The following BTRC variants were observed in gnomAD, a reference collection of about 807,000 sequenced individuals.
The protein encoded by BTRC is beta-transducin repeat containing E3 ubiquitin protein ligase, also known as F-box/WD repeat-containing protein 1A.
BTRC carries 42 observed loss-of-function variants against 85.5 expected under a neutral mutation model. The observed-to-expected ratio is 0.49, with a 90% confidence interval of 0.38 to 0.64. The LOEUF is 0.64. Ranked by LOEUF, BTRC falls within the 30% of genes least tolerant of loss-of-function variation. The probability of loss-of-function intolerance (pLI) is 0.00; values close to 1 mark genes in which losing one functional copy is unlikely to be tolerated. For missense variants in BTRC, 594 were observed against 743.5 expected (o/e 0.80, Z 2.34); for synonymous variants, 255 against 263.3 (o/e 0.97, Z 0.30).
chr10:101,386,405 CTTCTT>C (rs886395108), intron 1 of BTRC, among the ~76,000 whole-genome samples: 5 of 152,122 alleles, frequency 3.3e-5, no homozygotes, highest in Admixed American at 2.6e-4. Context: ...AAACATTTAT[CTTCTT>C]TTCTTTTTCT....
chr10:101,485,681 T>A (rs1011809497), intron 4 of BTRC, among the ~76,000 whole-genome samples: 1 of 152,210 alleles, frequency 6.6e-6, no homozygotes. Context: ...GTTCAGCTGT[T>A]GGGAACCACT....
At chr10:101,504,506 C>G (rs1321460701) in intron 4 of BTRC, among the ~76,000 whole-genome samples, 1 of 151,852 alleles carries the variant, frequency 6.6e-6, no homozygotes, top group African/African-American at 2.4e-5. Flanking sequence ...CCTGCTTATC[C>G]CTCTTCCTTC....
rs566824010 is a variant in BTRC at position 101,372,693 on chromosome 10, C to T, written c.48+18465C>T. On this transcript the variant is annotated intron_variant, in intron 1 of 14. Coordinates refer to ENST00000370187, the MANE Select transcript of BTRC (RefSeq NM_033637.4). ...CAGCCTGACCAACATGGTGAAATCC[C>T]GTCTCTACTAAAAATACAAAAATTA... Among the ~76,000 whole-genome samples, 5 of 150,898 alleles carry T rather than the reference C, an allele frequency of 3.3e-5. No homozygotes were observed. In the South Asian group the frequency reaches 1.1e-3, roughly 32 times the overall value.
upstream of BTRC, chr10:101,354,068 T>C: frequency 7.8e-7 from 1 of 1,288,236 alleles, no homozygotes; most frequent in Non-Finnish European, 1.1e-6. Context: ...GCCTGAGAGG[T>C]AAGAGAGGGC....
At chr10:101,492,208 C>G (rs945245002) in intron 4 of BTRC, among the ~76,000 whole-genome samples, 1 of 152,096 alleles carries the variant, frequency 6.6e-6, no homozygotes, top group African/African-American at 2.4e-5. Flanking sequence ...CTAGGAGTAT[C>G]TAAGAGCATA....
intron 1 of BTRC, among the ~76,000 whole-genome samples, chr10:101,416,287 T>C (rs1943943985): frequency 6.6e-6 from 1 of 152,224 alleles, no homozygotes; most frequent in Non-Finnish European, 1.5e-5. Context: ...GTCTACTTTA[T>C]TGTTTGCCTT....
chr10:101,515,578 C>T (rs888512359), intron 4 of BTRC, among the ~76,000 whole-genome samples: 4 of 150,132 alleles, frequency 2.7e-5, no homozygotes, highest in Non-Finnish European at 4.4e-5. Flanking sequence ...GTGGCGTGAT[C>T]TCAGCTCACT....
intron 1 of BTRC, among the ~76,000 whole-genome samples, chr10:101,358,495 A>G (rs2134465420): frequency 6.6e-6 from 1 of 152,316 alleles, no homozygotes; most frequent in South Asian, 2.1e-4. Context: ...TAATTTTAGA[A>G]TGTATTGTTT....
intron 9 of BTRC, among the ~76,000 whole-genome samples, chr10:101,533,829 C>G (rs1196596802): frequency 6.6e-6 from 1 of 152,078 alleles, no homozygotes; most frequent in Non-Finnish European, 1.5e-5. Context: ...TGTCTTTTGA[C>G]TTAAAGGCAT....
intron 4 of BTRC, among the ~76,000 whole-genome samples, chr10:101,508,346 TTCCCTC>T (rs1188681980): frequency 6.6e-6 from 1 of 152,194 alleles, no homozygotes; most frequent in African/African-American, 2.4e-5. Flanking sequence ...AATGTGAACT[TTCCCTC>T]TACTGACAAA....
At chr10:101,406,613 C>T (rs1164625787) in intron 1 of BTRC, among the ~76,000 whole-genome samples, 2 of 133,784 alleles carry the variant, frequency 1.5e-5, no homozygotes, top group African/African-American at 5.5e-5. Context: ...TGGCTCACTG[C>T]ACCTCCACCT....
chr10:101,424,202 C>T (rs1944186212), intron 1 of BTRC, among the ~76,000 whole-genome samples: 1 of 152,060 alleles, frequency 6.6e-6, no homozygotes, highest in Non-Finnish European at 1.5e-5. Flanking sequence ...GCATTGCACT[C>T]CAACCTGGGC....
chr10:101,507,266 A>AT (rs1326654187), intron 4 of BTRC, among the ~76,000 whole-genome samples: 1 of 152,066 alleles, frequency 6.6e-6, no homozygotes, highest in Non-Finnish European at 1.5e-5. Context: ...CTGTCGGTTG[A>AT]TTTTTTGCTG....
intron 3 of BTRC, among the ~76,000 whole-genome samples, chr10:101,471,422 T>C (rs1945521480): frequency 6.6e-6 from 1 of 152,192 alleles, no homozygotes; most frequent in South Asian, 2.1e-4. Flanking sequence ...AACTACTTTT[T>C]TTTTCATCTG....
chr10:101,369,755 T>C (rs1942579821), intron 1 of BTRC, among the ~76,000 whole-genome samples: 1 of 152,238 alleles, frequency 6.6e-6, no homozygotes, highest in South Asian at 2.1e-4. Context: ...GAGTTCACAC[T>C]GATATCCCCA....
At chr10:101,358,896 A>G (rs1452402460) in intron 1 of BTRC, among the ~76,000 whole-genome samples, 5 of 152,322 alleles carry the variant, frequency 3.3e-5, no homozygotes, top group African/African-American at 1.2e-4. Context: ...GGTGGCGTGC[A>G]TAAACAAGGA....
At chr10:101,512,371 C>G (rs2061968207) in intron 4 of BTRC, among the ~76,000 whole-genome samples, 1 of 152,200 alleles carries the variant, frequency 6.6e-6, no homozygotes, top group South Asian at 2.1e-4. Flanking sequence ...TCATTTGCAT[C>G]TTTCTTGTCA....
intron 4 of BTRC, among the ~76,000 whole-genome samples, chr10:101,510,453 T>C (rs1345126323): frequency 1.3e-5 from 2 of 151,362 alleles, no homozygotes; most frequent in Non-Finnish European, 2.9e-5. Flanking sequence ...GAGCTTGCAG[T>C]GAGCCGAGAT....
At chr10:101,363,570 T>C (rs897862026) in intron 1 of BTRC, among the ~76,000 whole-genome samples, 2 of 152,104 alleles carry the variant, frequency 1.3e-5, no homozygotes, top group Non-Finnish European at 2.9e-5. Flanking sequence ...GTGATTCTCC[T>C]GCCTCAGCCT....
Sources: allele counts gnomAD v4.1 joint callset (sites outside exome capture counted in the v4.1 genomes callset), GRCh38; gene constraint gnomAD v4.1.1; transcripts MANE v1.5; gene names NCBI Gene and HGNC (gene_info 2026-07-23, HGNC 2026-07-21).